The following GRK3 variants were observed in gnomAD, a reference collection of about 807,000 sequenced individuals.
GRK3 encodes the protein adrenergic, beta, receptor kinase 2.
In GRK3, 54 loss-of-function variants were observed where a neutral mutation model predicts 95.7. The observed-to-expected ratio is 0.56, with a 90% CI of 0.45 to 0.71. The LOEUF (loss-of-function observed/expected upper bound fraction) is 0.71. Among genes scored for constraint, GRK3 ranks in the 30% least tolerant of loss-of-function variants. The pLI is 0.00. For synonymous variants in GRK3, 281 were observed against 290.8 expected, an observed-to-expected ratio of 0.97 and a Z score of 0.34; for missense variants, 649 against 851.2, an observed-to-expected ratio of 0.76 and a Z score of 2.96.
intron 13 of GRK3, among the ~76,000 whole-genome samples, chr22:25,699,704 T>C (rs546949138): frequency 4.3e-4 from 63 of 147,964 alleles, no homozygotes; most frequent in African/African-American, 1.3e-3. Context: ...CTTTTCTTTT[T>C]TTTTTTTTTT....
chr22:25,660,184 C>T (rs539975960), intron 3 of GRK3, among the ~76,000 whole-genome samples: 179 of 152,314 alleles, frequency 1.2e-3, no homozygotes, highest in African/African-American at 4.1e-3. Context: ...GACTCTCCTT[C>T]GGATTTTGGT....
intron 2 of GRK3, among the ~76,000 whole-genome samples, chr22:25,617,099 A>C (rs1253874320): frequency 6.6e-6 from 1 of 152,220 alleles, no homozygotes; most frequent in African/African-American, 2.4e-5. Context: ...TGGAGCACAA[A>C]AAGAGAAACT....
chr22:25,592,827 G>A (rs1569156691), intron 1 of GRK3, among the ~76,000 whole-genome samples: 2 of 151,902 alleles, frequency 1.3e-5, no homozygotes, highest in African/African-American at 4.8e-5. Flanking sequence ...TTCATCCCTG[G>A]TATCCAAATC....
chr22:25,647,113 C>T (rs2084790755), intron 3 of GRK3: 1 of 371,596 alleles, frequency 2.7e-6, no homozygotes, highest in Admixed American at 4.0e-5. Context: ...GAATTCTATT[C>T]CCAGCAAAAA....
chr22:25,657,968 A>G (rs2146397751), intron 3 of GRK3, among the ~76,000 whole-genome samples: 1 of 152,154 alleles, frequency 6.6e-6, no homozygotes, highest in Non-Finnish European at 1.5e-5. Context: ...CTAATCTGCC[A>G]TTCCATTGAA....
intron 10 of GRK3, among the ~76,000 whole-genome samples, chr22:25,687,142 T>G (rs191977896): frequency 1.4e-3 from 208 of 152,070 alleles, no homozygotes; most frequent in African/African-American, 4.4e-3. Flanking sequence ...TTGTTTGTTT[T>G]TTTGTTTTTT....
chr22:25,600,394 C>G (rs1442993119), intron 1 of GRK3, among the ~76,000 whole-genome samples: 1 of 152,166 alleles, frequency 6.6e-6, no homozygotes, highest in Non-Finnish European at 1.5e-5. Flanking sequence ...CCTGCCTCGG[C>G]CTCCCAAAGT....
chr22:25,686,769 A>G (rs1257542619), intron 10 of GRK3, among the ~76,000 whole-genome samples: 2 of 152,164 alleles, frequency 1.3e-5, no homozygotes, highest in East Asian at 3.9e-4. Flanking sequence ...TGGATTTTTT[A>G]TCAGTGAAAA....
chr22:25,604,773 G>C (rs2084432701), intron 2 of GRK3, among the ~76,000 whole-genome samples: 1 of 152,212 alleles, frequency 6.6e-6, no homozygotes, highest in Non-Finnish European at 1.5e-5. Flanking sequence ...GTTTGCTGGG[G>C]AGCTGTGTGT....
chr22:25,637,910 G>A (rs556337915), intron 2 of GRK3, among the ~76,000 whole-genome samples: 1 of 152,300 alleles, frequency 6.6e-6, no homozygotes, highest in East Asian at 1.9e-4. Flanking sequence ...CTTCCCTGGG[G>A]CATCTGATCT....
At chr22:25,675,973 C>T (rs2085025582) in intron 8 of GRK3, among the ~76,000 whole-genome samples, 1 of 152,222 alleles carries the variant, frequency 6.6e-6, no homozygotes, top group South Asian at 2.1e-4. Context: ...TCCACACTTT[C>T]TGCCTTGGAC....
intron 12 of GRK3, among the ~76,000 whole-genome samples, chr22:25,691,414 G>A (rs560891132): frequency 6.6e-6 from 1 of 152,270 alleles, no homozygotes; most frequent in East Asian, 1.9e-4. Context: ...AATACTTTAT[G>A]AAGGACTGCA....
chr22:25,590,395 C>CT (rs1182477810), intron 1 of GRK3, among the ~76,000 whole-genome samples: 1 of 151,484 alleles, frequency 6.6e-6, no homozygotes, highest in Admixed American at 6.6e-5. Context: ...TCTTTTGATT[C>CT]TTTTTTGACC....
At chr22:25,623,072 G>C (rs545080510) in intron 2 of GRK3, among the ~76,000 whole-genome samples, 47 of 152,232 alleles carry the variant, frequency 3.1e-4, no homozygotes, top group African/African-American at 1.1e-3. Flanking sequence ...CTCCTGAGTA[G>C]CTGAAAACAC....
chr22:25,674,536 T>C lies in GRK3; in HGVS notation c.647+8T>C. 6.3e-7 allele frequency: 1 copy of C among 1,589,550 alleles called. No individual in the cohort carries two copies. The highest frequency in any genetic ancestry group is 8.6e-7 in the Non-Finnish European group (1 of 1,158,150). On this transcript the variant is annotated splice_region_variant and intron_variant, in intron 8 of 20. Transcript: ENST00000324198. Reference sequence around the variant, plus strand: ...AGCAGACACTGGAAAAATGTAAGCTTTCAATGCTCTTATGTTTTACTGGCA... The same window carrying C: ...AGCAGACACTGGAAAAATGTAAGCTCTCAATGCTCTTATGTTTTACTGGCA...
chr22:25,576,063 C>G (rs1488536492), intron 1 of GRK3, among the ~76,000 whole-genome samples: 1 of 152,202 alleles, frequency 6.6e-6, no homozygotes, highest in Non-Finnish European at 1.5e-5. Context: ...AGTGCGCTAA[C>G]TCACTTACAC....
At chr22:25,618,357 A>G (rs2084555683) in intron 2 of GRK3, among the ~76,000 whole-genome samples, 1 of 152,210 alleles carries the variant, frequency 6.6e-6, no homozygotes, top group South Asian at 2.1e-4. Flanking sequence ...TTATCCTGGC[A>G]ATATATTGCT....
chr22:25,589,036 G>C (rs1426910872), intron 1 of GRK3, among the ~76,000 whole-genome samples: 2 of 152,126 alleles, frequency 1.3e-5, no homozygotes, highest in Admixed American at 1.3e-4. Context: ...CTCCCGAAGA[G>C]CTGAGATTAT....
chr22:25,714,563 C>T lies in GRK3; in HGVS notation c.1647C>T (p.His549=), dbSNP rs142462384. ...GAGCTAAAAATAAGCAACTTGGCCA[C>T]GAAGAAGGTAAAATAGCTCACGTGT... The part of the protein sequence containing the change: ...RKRAKNKQLG[H]EEDYALGKDC... The change falls in exon 18 of 21, where the codon CAC becomes CAT. Residue 549 remains histidine (H), a synonymous_variant. Coordinates refer to ENST00000324198, the MANE Select transcript of GRK3 (RefSeq NM_005160.4). The T allele has an allele frequency of 7.3e-4, 1,159 of 1,594,206 alleles. 1 individual carries two copies. Among genetic ancestry groups the T allele is most frequent in the Admixed American group, 1.4e-3 (75 of 54,824 alleles).
Sources: gnomAD v4.1 joint callset for allele counts (sites outside exome capture counted in the v4.1 genomes callset) on GRCh38, gnomAD v4.1.1 for gene constraint, MANE v1.5 for transcripts, NCBI Gene and HGNC (gene_info 2026-07-23, HGNC 2026-07-21) for gene names.